Variants in COX7B2 observed in about 807,000 individuals in gnomAD.
COX7B2 encodes the protein cytochrome c oxidase subunit 7B2, mitochondrial.
For synonymous variants in COX7B2, 37 were observed against 32.1 expected (o/e 1.15, Z -0.51); for missense variants, 109 against 95.9 (o/e 1.14, Z -0.57).
rs369994124 is a variant in COX7B2, at chr4:46,862,926, G to A, written c.-104-17912C>T. 1.6e-4 allele frequency among the ~76,000 whole-genome samples: 25 copies of A among 152,212 alleles called. No homozygotes were observed. In the East Asian group the frequency reaches 2.3e-3, roughly 14 times the overall value. ...AAATTATTTTGGATGTTTACTGGAC[G>A]TATGGGTCATTTCCAATTAAGAAAG... On this transcript the variant is annotated intron_variant, in intron 1 of 2. Transcript: ENST00000355591.
intron 1 of COX7B2, among the ~76,000 whole-genome samples, chr4:46,885,878 G>A (rs1168318561): frequency 2.0e-5 from 3 of 152,038 alleles, no homozygotes; most frequent in Non-Finnish European, 2.9e-5. Flanking sequence ...CAGTATACAA[G>A]GTTACCTAAA....
At chr4:46,776,393 A>AGTGTGTGT (rs34113475) in intron 2 of COX7B2, among the ~76,000 whole-genome samples, 28 of 146,634 alleles carry the variant, frequency 1.9e-4, no homozygotes, top group African/African-American at 6.0e-4. Flanking sequence ...GTAGTTTCAG[A>AGTGTGTGT]GTGTGTGTGT....
chr4:46,882,039 A>C (rs1443315969), intron 1 of COX7B2, among the ~76,000 whole-genome samples: 8 of 151,974 alleles, frequency 5.3e-5, no homozygotes, highest in Non-Finnish European at 7.4e-5. Flanking sequence ...TTCTGCCTTA[A>C]TTTCATTATT....
intron 2 of COX7B2, among the ~76,000 whole-genome samples, chr4:46,777,955 C>CT (rs749761218): frequency 5.9e-5 from 9 of 152,174 alleles, no homozygotes; most frequent in South Asian, 2.1e-4. Context: ...GGATTTCCAT[C>CT]TTTTTTTCTC....
intron 2 of COX7B2, among the ~76,000 whole-genome samples, chr4:46,780,988 A>G (rs12642914): frequency 2.0e-5 from 3 of 152,228 alleles, no homozygotes; most frequent in African/African-American, 2.4e-5. Flanking sequence ...TTATCTCTGC[A>G]GAGGTGTCTA....
At chr4:46,794,932 C>T (rs550046923) in intron 2 of COX7B2, among the ~76,000 whole-genome samples, 1 of 152,298 alleles carries the variant, frequency 6.6e-6, no homozygotes. Flanking sequence ...GTAACAGCCC[C>T]TCAGTGAATT....
At chr4:46,846,896 A>G (rs1221570745) in intron 1 of COX7B2, among the ~76,000 whole-genome samples, 1 of 152,004 alleles carries the variant, frequency 6.6e-6, no homozygotes, top group Non-Finnish European at 1.5e-5. Flanking sequence ...GCATTTAGTG[A>G]GGCTAGAAGA....
At chr4:46,735,567 T>C (rs1032121360) in intron 2 of COX7B2, among the ~76,000 whole-genome samples, 1 of 152,152 alleles carries the variant, frequency 6.6e-6, no homozygotes, top group Non-Finnish European at 1.5e-5. Flanking sequence ...TTAACATGGC[T>C]ACAATAGACA....
intron 2 of COX7B2, among the ~76,000 whole-genome samples, chr4:46,772,543 T>C (rs547842758): frequency 2.6e-5 from 4 of 152,248 alleles, no homozygotes; most frequent in African/African-American, 7.2e-5. Flanking sequence ...AAACATGACA[T>C]TGTATATCTT....
intron 2 of COX7B2, among the ~76,000 whole-genome samples, chr4:46,802,145 A>C (rs1193459470): frequency 1.3e-5 from 2 of 152,126 alleles, no homozygotes; most frequent in East Asian, 3.9e-4. Context: ...ATGTGATCAA[A>C]ATAATTCAAA....
At chr4:46,772,743 G>A (rs569229776) in intron 2 of COX7B2, among the ~76,000 whole-genome samples, 2 of 152,112 alleles carry the variant, frequency 1.3e-5, no homozygotes, top group South Asian at 2.1e-4. Context: ...ACTTATGCAG[G>A]ATTGTTTTGG....
chr4:46,780,784 A>C (rs2109550086), intron 2 of COX7B2, among the ~76,000 whole-genome samples: 1 of 152,222 alleles, frequency 6.6e-6, no homozygotes, highest in African/African-American at 2.4e-5. Context: ...CAACTGTTAA[A>C]CCTTTGTTTA....
At chr4:46,869,825 C>T (rs1310003858) in intron 1 of COX7B2, among the ~76,000 whole-genome samples, 4 of 151,876 alleles carry the variant, frequency 2.6e-5, no homozygotes, top group East Asian at 1.9e-4. Flanking sequence ...TAATTTTGGC[C>T]GTGGAAAATC....
chr4:46,795,561 C>A (rs1296514649), intron 2 of COX7B2, among the ~76,000 whole-genome samples: 3 of 142,366 alleles, frequency 2.1e-5, no homozygotes, highest in Non-Finnish European at 3.0e-5. Context: ...TGATCTATAT[C>A]TCTGTTTTTG....
intron 2 of COX7B2, among the ~76,000 whole-genome samples, chr4:46,751,786 G>C (rs928605388): frequency 2.0e-5 from 3 of 150,948 alleles, no homozygotes; most frequent in African/African-American, 7.3e-5. Flanking sequence ...AAGAAATCAG[G>C]AGCCAATACC....
chr4:46,813,762 A>T (rs758418021), intron 2 of COX7B2, among the ~76,000 whole-genome samples: 1 of 152,224 alleles, frequency 6.6e-6, no homozygotes, highest in Non-Finnish European at 1.5e-5. Flanking sequence ...GACAACTTGT[A>T]AGGCTGAAGA....
chr4:46,761,551 AG>A (rs1716147121), intron 2 of COX7B2, among the ~76,000 whole-genome samples: 1 of 152,140 alleles, frequency 6.6e-6, no homozygotes, highest in Admixed American at 6.6e-5. Flanking sequence ...TTTCTGAGGA[AG>A]TATAAGATAA....
At chr4:46,769,446 T>C (rs1309711732) in intron 2 of COX7B2, among the ~76,000 whole-genome samples, 2 of 152,136 alleles carry the variant, frequency 1.3e-5, no homozygotes, top group Non-Finnish European at 2.9e-5. Context: ...AGAGTGGTGA[T>C]TTTGGCCGGG....
intron 2 of COX7B2, among the ~76,000 whole-genome samples, chr4:46,826,696 T>C (rs974694616): frequency 6.6e-6 from 1 of 152,144 alleles, no homozygotes; most frequent in African/African-American, 2.4e-5. Context: ...AAGAATGAGA[T>C]CATGTTTTTT....
Sources: gnomAD v4.1 joint callset for allele counts (sites outside exome capture counted in the v4.1 genomes callset) on GRCh38, gnomAD v4.1.1 for gene constraint, MANE v1.5 for transcripts, NCBI Gene and HGNC (gene_info 2026-07-23, HGNC 2026-07-21) for gene names.